TMPRSS9: variants seen among roughly 807,000 people sequenced by gnomAD.
TMPRSS9 encodes the protein transmembrane protease serine 9.
In TMPRSS9, 113 loss-of-function variants were observed where a neutral mutation model predicts 111.4. That is an observed-to-expected ratio of 1.01 (90% CI 0.87 to 1.19). The LOEUF (loss-of-function observed/expected upper bound fraction) is 1.19, where lower values mean the gene tolerates loss of function less well. Ranked by LOEUF, TMPRSS9 falls within the 50% of genes most tolerant of loss-of-function variation. TMPRSS9 has a pLI of 0.00. For synonymous variants in TMPRSS9, 805 were observed against 659.1 expected, an observed-to-expected ratio of 1.22 and a Z score of -3.39; for missense variants, 1,803 against 1,513.1, an observed-to-expected ratio of 1.19 and a Z score of -3.18.
chr19:2,393,149 C>T (rs1391998296), intron 1 of TMPRSS9, among the ~76,000 whole-genome samples: 3 of 152,130 alleles, frequency 2.0e-5, no homozygotes, highest in Non-Finnish European at 2.9e-5. Flanking sequence ...GAGCCAGCAG[C>T]GGCAACCGGC....
At chr19:2,425,531 C>A in intron 17 of TMPRSS9, 38 bp downstream of exon 18, 1 of 1,500,010 alleles carries the variant, frequency 6.7e-7, no homozygotes, top group Non-Finnish European at 8.9e-7. Context: ...AGGTCCCGCC[C>A]AGCCGCCGGG....
At chr19:2,395,780 G>T (rs531250286) in intron 1 of TMPRSS9, among the ~76,000 whole-genome samples, 1 of 152,258 alleles carries the variant, frequency 6.6e-6, no homozygotes, top group Admixed American at 6.5e-5. Flanking sequence ...GGCCGAGGAG[G>T]GCGGATCACG....
At chr19:2,404,759 C>T (rs932209872) in intron 6 of TMPRSS9, among the ~76,000 whole-genome samples, 19 of 151,706 alleles carry the variant, frequency 1.3e-4, no homozygotes, top group Middle Eastern at 6.8e-3. Flanking sequence ...GGTGAAACCC[C>T]GGCTCTACTA....
At chr19:2,395,397 C>T (rs1360510870) in intron 1 of TMPRSS9, among the ~76,000 whole-genome samples, 1 of 152,028 alleles carries the variant, frequency 6.6e-6, no homozygotes, top group East Asian at 1.9e-4. Context: ...AACACCACTG[C>T]ACTCCAGCCT....
intron 16 of TMPRSS9, 29 bp downstream of exon 17, chr19:2,425,296 G>T: frequency 8.2e-7 from 1 of 1,213,212 alleles, no homozygotes; most frequent in Non-Finnish European, 1.0e-6. Flanking sequence ...GCGGTGGTGC[G>T]GGGCTCGGGG....
intron 7 of TMPRSS9, among the ~76,000 whole-genome samples, chr19:2,407,915 C>G (rs1568183083): frequency 6.6e-6 from 1 of 151,994 alleles, no homozygotes; most frequent in Non-Finnish European, 1.5e-5. Flanking sequence ...TCCTGAGTGG[C>G]TGGGATTACA....
intron 6 of TMPRSS9, 112 bp from the exon 8 acceptor site, chr19:2,405,262 A>T (rs766211719): frequency 2.4e-4 from 331 of 1,380,642 alleles, no homozygotes; most frequent in Non-Finnish European, 3.0e-4. Context: ...GCCCCCAAGC[A>T]TCTCTTTGAA....
At position 2,421,673 on chromosome 19, in the gene TMPRSS9, T is replaced by G. The variant is rs181925367; in HGVS notation, c.2155-181T>G. ...ATGATGGAAACTCAGAGAGGAGAAG[T>G]GACTCACTCCAGGTCACACAGCCAG... On this transcript the variant is annotated intron_variant, in intron 13 of 17. Transcript: ENST00000648592. Among the ~76,000 whole-genome samples, 298 of 152,268 alleles carry G rather than the reference T, an allele frequency of 2.0e-3. 1 individual carries two copies. Among genetic ancestry groups the G allele is most frequent in the African/African-American group, 7.0e-3 (290 of 41,562 alleles).
chr19:2,405,098 G>A (rs936416026), intron 6 of TMPRSS9, among the ~76,000 whole-genome samples: 3 of 152,020 alleles, frequency 2.0e-5, no homozygotes, highest in Non-Finnish European at 2.9e-5. Flanking sequence ...TGGGGTCATC[G>A]CCCCTTACCC....
At chr19:2,401,619 T>A (rs897431552) in intron 4 of TMPRSS9, among the ~76,000 whole-genome samples, 10 of 152,052 alleles carry the variant, frequency 6.6e-5, no homozygotes, top group African/African-American at 2.4e-4. Flanking sequence ...CTTTTTTCTT[T>A]TTTTTTGAGA....
Position 2,425,451 on chromosome 19 carries a change from GCT to G in TMPRSS9, c.3079_3080del (p.Leu1027ValfsTer15), listed in dbSNP as rs772924339. The G allele has an allele frequency of 1.3e-6, 2 of 1,592,178 alleles. No individual in the cohort carries two copies. Among genetic ancestry groups the G allele is most frequent in the Admixed American group, 3.4e-5 (2 of 59,040 alleles). The stretch of plus-strand genomic sequence containing the variant: ...ACCCAGTGCAGATCAGCAGCCGCAT[GCT>G]GTGTGCCGGCTTCCCGCAGGGTGGC... On this transcript the variant is annotated frameshift_variant, in exon 17 of 18. Transcript: ENST00000648592. LOFTEE classifies it low-confidence loss of function (END_TRUNC).
chr19:2,392,943 T>C (rs1970629090), intron 1 of TMPRSS9, among the ~76,000 whole-genome samples: 1 of 152,188 alleles, frequency 6.6e-6, no homozygotes, highest in South Asian at 2.1e-4. Context: ...TGGAGAACTT[T>C]TGTGTCTAGC....
At chr19:2,381,614 C>T (rs1441729568) in intron 1 of TMPRSS9, among the ~76,000 whole-genome samples, 2 of 151,776 alleles carry the variant, frequency 1.3e-5, no homozygotes, top group African/African-American at 2.4e-5. Context: ...CTGCCTTGCT[C>T]CATGCCGCCC....
intron 1 of TMPRSS9, among the ~76,000 whole-genome samples, chr19:2,381,207 G>A (rs1006339570): frequency 2.0e-5 from 3 of 152,088 alleles, no homozygotes; most frequent in Non-Finnish European, 4.4e-5. Flanking sequence ...AATGAATGGC[G>A]CTTCTATGTT....
intron 9 of TMPRSS9, among the ~76,000 whole-genome samples, chr19:2,411,677 G>A (rs1971100001): frequency 6.6e-6 from 1 of 151,990 alleles, no homozygotes. Flanking sequence ...TCAGCCTCCC[G>A]AGTAGCTGGA....
chr19:2,395,900 C>T (rs540242143), intron 1 of TMPRSS9, among the ~76,000 whole-genome samples: 8 of 151,514 alleles, frequency 5.3e-5, no homozygotes, highest in South Asian at 2.1e-4. Flanking sequence ...CCCAGCTACT[C>T]GGGAGGCTGA....
rs139950032 is a variant in TMPRSS9 at position 2,423,492 on chromosome 19, G to A, written c.2549-597G>A. Among the ~76,000 whole-genome samples the A allele has an allele frequency of 8.2e-3, 1,059 of 128,882 alleles. 22 individuals carry two copies. In the East Asian group the frequency reaches 0.12, roughly 15 times the overall value. The allele number at this position is 128,882 out of a possible 152,430, so 84.6% of individuals were successfully genotyped here. A position where few individuals can be genotyped will look rare whatever the true frequency, so the allele number is the denominator to read the frequency against. On this transcript the variant is annotated intron_variant, in intron 14 of 17. Transcript: ENST00000648592. Reference sequence around the variant, plus strand: ...TGGGGGGCGGGGGGGACCCAGGGAAGCCAGCTGGGTGGTGATAGAGGGCGG... The same window carrying A: ...TGGGGGGCGGGGGGGACCCAGGGAAACCAGCTGGGTGGTGATAGAGGGCGG...
At position 2,399,010 on chromosome 19, in the gene TMPRSS9, A is replaced by G. The variant is rs1248437101; in HGVS notation, c.339-8A>G. 3 of 1,608,574 alleles carry G rather than the reference A, an allele frequency of 1.9e-6. No homozygotes were observed. Among genetic ancestry groups the G allele is most frequent in the Non-Finnish European group, 2.5e-6 (3 of 1,179,200 alleles). On this transcript the variant is annotated splice_region_variant and splice_polypyrimidine_tract_variant and intron_variant, in intron 3 of 17. Transcript: ENST00000648592. Reference sequence around the variant, plus strand: ...CCCTCTCCAAGGGCCTCTCCTCCATACCTGTAGGGATGGGAACTCCAGTGT... The same window carrying G: ...CCCTCTCCAAGGGCCTCTCCTCCATGCCTGTAGGGATGGGAACTCCAGTGT...
upstream of TMPRSS9, among the ~76,000 whole-genome samples, chr19:2,387,553 AGGAAGGGAGGAAGGGAGAAAGGGAAG>A (rs1471738889): frequency 6.8e-6 from 1 of 147,506 alleles, no homozygotes; most frequent in Non-Finnish European, 1.5e-5. Flanking sequence ...GGGAAGGGAA[AGGAAGGGAGGAAGGGAGAAAGGGAAG>A]GGAAGGGAGA....
Sources: allele counts gnomAD v4.1 joint callset (sites outside exome capture counted in the v4.1 genomes callset), GRCh38; gene constraint gnomAD v4.1.1; transcripts MANE v1.5; gene names NCBI Gene and HGNC (gene_info 2026-07-23, HGNC 2026-07-21).